SIAH1: variants seen among roughly 807,000 people sequenced by gnomAD.
The protein encoded by SIAH1 is E3 ubiquitin-protein ligase SIAH1.
A neutral mutation model predicts 20.0 loss-of-function variants in SIAH1; 2 were observed. The ratio of observed to expected loss-of-function variants is 0.10; its 90% CI spans 0.04 to 0.31. The LOEUF is 0.31. Among genes scored for constraint, SIAH1 ranks in the 10% least tolerant of loss-of-function variants. The probability of loss-of-function intolerance (pLI) is 1.00; values close to 1 mark genes in which losing one functional copy is unlikely to be tolerated. For synonymous variants in SIAH1, 118 were observed against 125.3 expected (o/e 0.94, Z 0.39); for missense variants, 119 against 355.3 (o/e 0.33, Z 5.35).
chr16:48,363,152 G>T (rs986934539), intron 1 of SIAH1: 1 of 167,076 alleles, frequency 6.0e-6, no homozygotes, highest in African/African-American at 2.4e-5. Context: ...CTAATCCGAG[G>T]ATACCGCGGA....
intron 1 of SIAH1, among the ~76,000 whole-genome samples, chr16:48,376,093 T>C (rs142443077): frequency 4.3e-4 from 65 of 152,338 alleles, no homozygotes; most frequent in African/African-American, 1.4e-3. Flanking sequence ...CTTTAAAATA[T>C]CTTTGGCTGA....
intron 1 of SIAH1, among the ~76,000 whole-genome samples, chr16:48,380,463 C>CAA (rs111931690): frequency 1.3e-4 from 19 of 142,784 alleles, no homozygotes; most frequent in African/African-American, 4.8e-4. Flanking sequence ...AAAAAACAAA[C>CAA]AAAAAAAAAA....
Position 48,361,814 on chromosome 16 carries a change from G to A in SIAH1, c.615C>T (p.Phe205=), listed in dbSNP as rs1258444382. 4 of 1,614,160 alleles carry A rather than the reference G, an allele frequency of 2.5e-6. No homozygotes were observed. Among genetic ancestry groups the A allele is most frequent in the Non-Finnish European group, 3.4e-6 (4 of 1,180,038 alleles). The change falls in exon 2 of 2, where the codon TTC becomes TTT. Residue 205 remains phenylalanine (F), a synonymous_variant. Coordinates refer to ENST00000394725, the MANE Select transcript of SIAH1 (RefSeq NM_003031.4). ...KQEKYDGHQQ[F]FAIVQLIGTR... The stretch of plus-strand genomic sequence containing the variant: ...TTCCTATCAGCTGTACGATTGCGAA[G>A]AACTGCTGGTGACCATCGTATTTTT...
chr16:48,362,423 G>A lies in SIAH1; in HGVS notation c.6C>T (p.Ser2=), dbSNP rs201030436. Residue 2 remains serine, a synonymous_variant, in exon 2 of 2, where the codon AGC becomes AGT. Transcript: ENST00000394725. The surrounding 1 kb of genome is among the most constrained non-coding windows in gnomAD (Gnocchi z 4.2). The part of the protein sequence containing the change: M[S]RQTATALPTG... ...TAGGTAATGCTGTAGCAGTCTGACG[G>A]CTCATTTCTGAAATAAATACATAAG... is the stretch of plus-strand genomic sequence containing the variant. The A allele has an allele frequency of 6.2e-7, 1 of 1,613,894 alleles. No homozygotes were observed. Among genetic ancestry groups the A allele is most frequent in the Non-Finnish European group, 8.5e-7 (1 of 1,179,912 alleles).
intron 1 of SIAH1, among the ~76,000 whole-genome samples, chr16:48,383,678 T>A (rs1961356977): frequency 6.6e-6 from 1 of 152,196 alleles, no homozygotes; most frequent in Non-Finnish European, 1.5e-5. Context: ...GATATAGCCA[T>A]TCAAATCCCC....
chr16:48,364,295 G>C (rs1439983166), intron 1 of SIAH1, among the ~76,000 whole-genome samples: 5 of 152,164 alleles, frequency 3.3e-5, no homozygotes, highest in Admixed American at 3.3e-4. Flanking sequence ...CTCAATTATA[G>C]TCATTCTGTT....
At chr16:48,365,074 G>GT in intron 1 of SIAH1, 1 of 280,730 alleles carries the variant, frequency 3.6e-6, no homozygotes, top group East Asian at 6.6e-5. Context: ...GGGAACGGAG[G>GT]TATTACAGGA....
Position 48,361,751 on chromosome 16 carries a change from C to T in SIAH1, c.678G>A (p.Glu226=), listed in dbSNP as rs1345756500. ...KQAENFAYRL[E]LNGHRRRLTW... The stretch of plus-strand genomic sequence containing the variant: ...TCAATCGTCGCCTATGACCATTTAG[C>T]TCAAGTCGGTAAGCAAAATTTTCAG... Residue 226 remains glutamate, a synonymous_variant, in exon 2 of 2, where the codon GAG becomes GAA. Transcript: ENST00000394725. The T allele has an allele frequency of 6.2e-7, 1 of 1,614,174 alleles. No individual in the cohort carries two copies. The highest frequency in any genetic ancestry group is 1.1e-5 in the South Asian group (1 of 91,086).
At chr16:48,375,897 T>C (rs1399508406) in intron 1 of SIAH1, among the ~76,000 whole-genome samples, 1 of 152,126 alleles carries the variant, frequency 6.6e-6, no homozygotes, top group East Asian at 1.9e-4. Context: ...AAGCCTGGAA[T>C]TAGAAACCAG....
intron 1 of SIAH1, chr16:48,365,441 A>G: frequency 6.2e-7 from 1 of 1,613,902 alleles, no homozygotes; most frequent in Non-Finnish European, 8.5e-7. Flanking sequence ...ACTCCCCTCC[A>G]GGAGTACAGA....
At chr16:48,365,775 T>G in intron 1 of SIAH1, 3 of 1,341,626 alleles carry the variant, frequency 2.2e-6, no homozygotes, top group Non-Finnish European at 2.9e-6. Flanking sequence ...GTTTGTTTTC[T>G]CCAGATTCAC....
chr16:48,383,849 T>C (rs568008016), intron 1 of SIAH1, among the ~76,000 whole-genome samples: 1 of 152,342 alleles, frequency 6.6e-6, no homozygotes, highest in South Asian at 2.1e-4. Flanking sequence ...ACTTTCATCA[T>C]ACCAACACAT....
At chr16:48,380,329 A>C (rs959760660) in intron 1 of SIAH1, among the ~76,000 whole-genome samples, 2 of 151,892 alleles carry the variant, frequency 1.3e-5, no homozygotes, top group Non-Finnish European at 2.9e-5. Flanking sequence ...AATCTCAGCT[A>C]CTCAGGAGCT....
intron 1 of SIAH1, among the ~76,000 whole-genome samples, chr16:48,367,160 A>G (rs891164765): frequency 2.6e-5 from 4 of 152,262 alleles, no homozygotes; most frequent in Non-Finnish European, 4.4e-5. Flanking sequence ...TTGGCCTCCC[A>G]AAGTGCTGAG....
rs763429539 is a variant in SIAH1 at position 48,365,410 on chromosome 16, G to C, written c.-2-2980C>G. 6.2e-6 allele frequency: 10 copies of C among 1,613,886 alleles called. No individual in the cohort carries two copies. In the South Asian group the frequency reaches 9.9e-5, roughly 16 times the overall value. ...ACCTTTTCTCTTCCTTGTCCTGGCCGCTGGTAAACATGTGAACAAGACTCC... is the reference window on the plus strand; with the variant it reads ...ACCTTTTCTCTTCCTTGTCCTGGCCCCTGGTAAACATGTGAACAAGACTCC... On this transcript the variant is annotated intron_variant, in intron 1 of 1. Transcript: ENST00000394725.
chr16:48,370,693 C>T (rs1960961442), intron 1 of SIAH1, among the ~76,000 whole-genome samples: 2 of 151,646 alleles, frequency 1.3e-5, no homozygotes, highest in South Asian at 4.2e-4. Flanking sequence ...GTAGTCCCAG[C>T]TATTCGGGAG....
chr16:48,382,277 C>T (rs1381315550), intron 1 of SIAH1, among the ~76,000 whole-genome samples: 2 of 152,046 alleles, frequency 1.3e-5, no homozygotes, highest in Non-Finnish European at 2.9e-5. Flanking sequence ...GTCCCAGCCA[C>T]TTATGAGGCT....
chr16:48,374,836 G>A (rs1001073943), intron 1 of SIAH1, among the ~76,000 whole-genome samples: 2 of 152,176 alleles, frequency 1.3e-5, no homozygotes, highest in East Asian at 1.9e-4. Context: ...TGACAGTCAG[G>A]ATAAGCAAAT....
intron 1 of SIAH1, among the ~76,000 whole-genome samples, chr16:48,381,564 T>G (rs1961292977): frequency 1.3e-5 from 2 of 152,208 alleles, no homozygotes; most frequent in African/African-American, 4.8e-5. Flanking sequence ...CAACAGATTA[T>G]TATGCAGCCC....
Sources: allele counts gnomAD v4.1 joint callset (sites outside exome capture counted in the v4.1 genomes callset), GRCh38; gene constraint gnomAD v4.1.1; non-coding constraint Gnocchi (gnomAD v3.1); transcripts MANE v1.5; gene names NCBI Gene and HGNC (gene_info 2026-07-23, HGNC 2026-07-21).